The following ADGRL3 variants were observed in gnomAD, a reference collection of about 807,000 sequenced individuals.
ADGRL3 encodes calcium-independent alpha-latrotoxin receptor 3.
In ADGRL3, 62 loss-of-function variants were observed where a neutral mutation model predicts 153.5. That is an observed-to-expected ratio of 0.40 (90% CI 0.33 to 0.50). ADGRL3 has a LOEUF of 0.50. ADGRL3 is among the 20% of genes least tolerant of loss of function. The pLI is 0.47. For missense variants in ADGRL3, 1,641 were observed against 1,859.4 expected (o/e 0.88, Z 2.16); for synonymous variants, 710 against 672.5 (o/e 1.06, Z -0.86).
rs2096462105 is a variant in ADGRL3 at position 61,732,737 on chromosome 4, T to A, written c.599-17T>A. On this transcript the variant is annotated splice_polypyrimidine_tract_variant and intron_variant, in intron 7 of 26. Transcript: ENST00000683033. ...AATTAATATATTTATTTATTTTAACTGTTTCCCTTCCAACAGTTTTTCTTT... is the reference window on the plus strand; with the variant it reads ...AATTAATATATTTATTTATTTTAACAGTTTCCCTTCCAACAGTTTTTCTTT... The A allele has an allele frequency of 1.4e-6, 2 of 1,382,192 alleles. No individual in the cohort carries two copies. Among genetic ancestry groups the A allele is most frequent in the Non-Finnish European group, 1.9e-6 (2 of 1,034,920 alleles). The allele number at this position is 1,382,192 out of a possible 1,614,324, so 85.6% of individuals were successfully genotyped here.
rs142591537 is a variant in ADGRL3 at position 61,312,333 on chromosome 4, A to G, written c.-239-70791A>G. Reference sequence around the variant, plus strand: ...AACTATACATATCCTAGAAAATAACATATGAGAAAATCTAGGTGACCTTGA... The same window carrying G: ...AACTATACATATCCTAGAAAATAACGTATGAGAAAATCTAGGTGACCTTGA... On this transcript the variant is annotated intron_variant, in intron 1 of 26. Transcript: ENST00000683033. 1.3e-4 allele frequency among the ~76,000 whole-genome samples: 20 copies of G among 152,334 alleles called. No individual in the cohort carries two copies. In the East Asian group the frequency reaches 3.9e-3, roughly 29 times the overall value.
intron 8 of ADGRL3, among the ~76,000 whole-genome samples, chr4:61,773,072 A>T (rs544530427): frequency 6.6e-6 from 1 of 152,332 alleles, no homozygotes; most frequent in East Asian, 1.9e-4. Flanking sequence ...TTAAAATAGC[A>T]TAAAAGTCGA....
intron 1 of ADGRL3, among the ~76,000 whole-genome samples, chr4:61,380,190 C>T (rs1056344539): frequency 6.6e-6 from 1 of 151,830 alleles, no homozygotes; most frequent in Non-Finnish European, 1.5e-5. Flanking sequence ...CACAGACTCA[C>T]ATTTTCTGTG....
intron 5 of ADGRL3, among the ~76,000 whole-genome samples, chr4:61,609,680 C>A (rs1404033170): frequency 6.6e-6 from 1 of 152,112 alleles, no homozygotes; most frequent in Non-Finnish European, 1.5e-5. Context: ...AGCCCAGCTT[C>A]ACCTAATATT....
chr4:61,421,203 G>A (rs555704205), intron 2 of ADGRL3, among the ~76,000 whole-genome samples: 3 of 149,620 alleles, frequency 2.0e-5, no homozygotes, highest in Non-Finnish European at 4.4e-5. Context: ...GCTTGGTGGC[G>A]GACGCCTGTA....
intron 1 of ADGRL3, among the ~76,000 whole-genome samples, chr4:61,225,872 C>T (rs1009738441): frequency 3.9e-5 from 6 of 152,160 alleles, no homozygotes; most frequent in African/African-American, 1.4e-4. Flanking sequence ...GTTTTCTTTC[C>T]TGGCCCATGG....
intron 1 of ADGRL3, among the ~76,000 whole-genome samples, chr4:61,369,506 G>T (rs2096478382): frequency 6.6e-6 from 1 of 151,908 alleles, no homozygotes; most frequent in Non-Finnish European, 1.5e-5. Context: ...TTTTGTCTTT[G>T]GCTCTGTTTA....
chr4:61,297,782 AC>A (rs377713776), intron 1 of ADGRL3, among the ~76,000 whole-genome samples: 3 of 151,756 alleles, frequency 2.0e-5, no homozygotes, highest in Admixed American at 2.0e-4. Flanking sequence ...GTTACTTAGT[AC>A]CTACCACTAC....
chr4:61,518,363 T>C (rs541958032), intron 4 of ADGRL3, among the ~76,000 whole-genome samples: 1 of 148,206 alleles, frequency 6.7e-6, no homozygotes, highest in Admixed American at 6.8e-5. Context: ...ACACAGTCAC[T>C]ATTCTGACCC....
chr4:61,564,767 A>G, intron 4 of ADGRL3, among the ~76,000 whole-genome samples: 1 of 152,146 alleles, frequency 6.6e-6, no homozygotes, highest in East Asian at 1.9e-4. Context: ...CTTCCTTTCA[A>G]TTAAATACCT....
intron 2 of ADGRL3, among the ~76,000 whole-genome samples, chr4:61,490,391 C>T (rs1164329833): frequency 6.6e-6 from 1 of 151,990 alleles, no homozygotes; most frequent in Non-Finnish European, 1.5e-5. Context: ...GTTCTTCCTC[C>T]TCCTTCTTTA....
At chr4:61,850,503 A>G (rs2098188927) in intron 9 of ADGRL3, among the ~76,000 whole-genome samples, 1 of 152,190 alleles carries the variant, frequency 6.6e-6, no homozygotes. Flanking sequence ...TAACTTGAGT[A>G]ACCAAGTGAA....
At chr4:61,808,788 C>T (rs956416494) in intron 8 of ADGRL3, among the ~76,000 whole-genome samples, 6 of 140,566 alleles carry the variant, frequency 4.3e-5, no homozygotes, top group Non-Finnish European at 6.1e-5. Context: ...AACAAGAAAT[C>T]GGGCTTTTTT....
chr4:61,632,072 T>C (rs76238438), intron 5 of ADGRL3, among the ~76,000 whole-genome samples: 11,037 of 152,274 alleles, frequency 0.072, 499 homozygotes, highest in Middle Eastern at 0.11. Flanking sequence ...ACTCACCAAG[T>C]CAAAGATAAT....
intron 9 of ADGRL3, among the ~76,000 whole-genome samples, chr4:61,884,542 T>G (rs1261419175): frequency 6.6e-6 from 1 of 152,186 alleles, no homozygotes; most frequent in East Asian, 1.9e-4. Flanking sequence ...TAAACTGCCG[T>G]AAACAAAAAT....
At chr4:61,937,277 T>C (rs1030071649) in intron 15 of ADGRL3, among the ~76,000 whole-genome samples, 1 of 152,134 alleles carries the variant, frequency 6.6e-6, no homozygotes, top group African/African-American at 2.4e-5. Context: ...CTGGTCCACT[T>C]CCTTCCTGCC....
At chr4:61,891,021 AAT>A (rs2098579141) in intron 9 of ADGRL3, among the ~76,000 whole-genome samples, 1 of 152,162 alleles carries the variant, frequency 6.6e-6, no homozygotes, top group African/African-American at 2.4e-5. Context: ...AATATTTTGA[AAT>A]ATGTTATTGA....
At chr4:61,837,261 C>T (rs1178313820) in intron 9 of ADGRL3, among the ~76,000 whole-genome samples, 1 of 152,026 alleles carries the variant, frequency 6.6e-6, no homozygotes, top group Non-Finnish European at 1.5e-5. Flanking sequence ...AAGAGGTCTA[C>T]AAAGTAAACT....
chr4:61,357,727 A>G (rs559088495), intron 1 of ADGRL3, among the ~76,000 whole-genome samples: 87 of 152,300 alleles, frequency 5.7e-4, no homozygotes, highest in Admixed American at 1.2e-3. Flanking sequence ...GACACATATG[A>G]AAGTTATCTT....
Sources: allele counts gnomAD v4.1 joint callset (sites outside exome capture counted in the v4.1 genomes callset), GRCh38; gene constraint gnomAD v4.1.1; transcripts MANE v1.5; gene names NCBI Gene and HGNC (gene_info 2026-07-23, HGNC 2026-07-21).